Variants in LRRC69 observed in about 807,000 individuals in gnomAD.
LRRC69 encodes the protein leucine-rich repeat-containing protein 69.
Under a neutral mutation model 37.8 loss-of-function variants are expected in LRRC69, and 42 were observed. The ratio of observed to expected loss-of-function variants is 1.11; its 90% confidence interval spans 0.87 to 1.44. LRRC69 has a LOEUF of 1.44. LRRC69 is among the 40% of genes most tolerant of loss of function. The pLI, the probability that LRRC69 is intolerant of heterozygous loss-of-function variation, is 0.00. For missense variants in LRRC69, 357 were observed against 401.9 expected, an observed-to-expected ratio of 0.89 and a Z score of 0.96; for synonymous variants, 141 against 143.1, an observed-to-expected ratio of 0.99 and a Z score of 0.11.
intron 5 of LRRC69, among the ~76,000 whole-genome samples, chr8:91,151,391 T>C (rs904295775): frequency 1.3e-5 from 2 of 151,796 alleles, no homozygotes; most frequent in Non-Finnish European, 2.9e-5. Flanking sequence ...TGTAGTTGAG[T>C]GGTTTTGAGT....
At position 91,102,798 on chromosome 8, in the gene LRRC69, A is replaced by G. The variant is rs544878274; in HGVS notation, c.137A>G (p.Asn46Ser). Residue 46 changes from asparagine (N) to serine (S), a missense_variant, in exon 1 of 8, where the codon AAT becomes AGT. Asn to Ser is a conservative substitution (Grantham distance 46). Coordinates refer to ENST00000448384, the Ensembl canonical transcript of LRRC69. Reference sequence around the variant, plus strand: ...GGCCTGAAGACTCTAGTCCTTCAGAATAACCTAATCCCCAAAGTGTGTCCA... The same window carrying G: ...GGCCTGAAGACTCTAGTCCTTCAGAGTAACCTAATCCCCAAAGTGTGTCCA... 1.1e-4 allele frequency: 174 copies of G among 1,551,886 alleles called. 3 individuals are homozygous for G. The South Asian group carries it at 2.0e-3, about 18-fold the overall frequency.
At chr8:91,129,140 A>G (rs1206220124) in intron 3 of LRRC69, among the ~76,000 whole-genome samples, 1 of 152,042 alleles carries the variant, frequency 6.6e-6, no homozygotes, top group Non-Finnish European at 1.5e-5. Flanking sequence ...TTACACCTAA[A>G]CAGCTCTGTC....
chr8:91,176,440 C>T (rs1013527419), intron 5 of LRRC69, among the ~76,000 whole-genome samples: 4 of 151,998 alleles, frequency 2.6e-5, no homozygotes, highest in East Asian at 1.9e-4. Context: ...CCACTGTGCC[C>T]GGCCTCTAGG....
At chr8:91,151,404 G>C (rs545004504) in intron 5 of LRRC69, among the ~76,000 whole-genome samples, 2 of 151,962 alleles carry the variant, frequency 1.3e-5, no homozygotes, top group East Asian at 3.9e-4. Flanking sequence ...TTTTGAGTGA[G>C]TTTCTTAATC....
intron 5 of LRRC69, among the ~76,000 whole-genome samples, chr8:91,168,008 A>G (rs982223088): frequency 6.6e-6 from 1 of 151,946 alleles, no homozygotes; most frequent in African/African-American, 2.4e-5. Flanking sequence ...TTTGTATGCC[A>G]GGAACTTTTG....
intron 7 of LRRC69, among the ~76,000 whole-genome samples, chr8:91,217,557 C>T (rs1393811144): frequency 6.6e-6 from 1 of 152,070 alleles, no homozygotes; most frequent in Non-Finnish European, 1.5e-5. Context: ...AGACTAATCA[C>T]CATTGTCAGA....
At chr8:91,216,218 A>T (rs1810044195) in intron 7 of LRRC69, among the ~76,000 whole-genome samples, 1 of 152,156 alleles carries the variant, frequency 6.6e-6, no homozygotes, top group Admixed American at 6.6e-5. Context: ...TATTATAATT[A>T]ACTAAACAAT....
intron 5 of LRRC69, 60 bp downstream of exon 5, chr8:91,135,799 A>T (rs1425544936): frequency 1.1e-6 from 1 of 895,244 alleles, no homozygotes; most frequent in African/African-American, 1.8e-5. Context: ...TATTGGGAAT[A>T]GAAAAAATAT....
At chr8:91,164,111 T>G (rs1227712620) in intron 5 of LRRC69, among the ~76,000 whole-genome samples, 1 of 151,482 alleles carries the variant, frequency 6.6e-6, no homozygotes, top group Non-Finnish European at 1.5e-5. Flanking sequence ...TCAAATAAAT[T>G]TATAGAAAAG....
intron 5 of LRRC69, among the ~76,000 whole-genome samples, chr8:91,144,154 T>C (rs1474618145): frequency 6.6e-6 from 1 of 151,960 alleles, no homozygotes; most frequent in African/African-American, 2.4e-5. Flanking sequence ...TGGTCTGAGA[T>C]ACCTGCCCCT....
At chr8:91,110,774 G>A (rs1813394557) in intron 1 of LRRC69, among the ~76,000 whole-genome samples, 1 of 151,996 alleles carries the variant, frequency 6.6e-6, no homozygotes, top group African/African-American at 2.4e-5. Context: ...TATTAAGAGA[G>A]GCTGTCTGGT....
intron 5 of LRRC69, among the ~76,000 whole-genome samples, chr8:91,182,744 T>A (rs1809344440): frequency 1.3e-5 from 2 of 152,192 alleles, no homozygotes; most frequent in South Asian, 4.1e-4. Context: ...AAGCCTTGCA[T>A]TAGGAACTGG....
chr8:91,172,385 A>G (rs937629861), intron 5 of LRRC69, among the ~76,000 whole-genome samples: 1 of 152,010 alleles, frequency 6.6e-6, no homozygotes, highest in African/African-American at 2.4e-5. Flanking sequence ...AAGTTTTCTA[A>G]TTGGTTATTA....
chr8:91,198,141 T>A (rs1389628480), intron 6 of LRRC69, among the ~76,000 whole-genome samples: 1 of 152,156 alleles, frequency 6.6e-6, no homozygotes, highest in African/African-American at 2.4e-5. Context: ...CCTCAGAGAT[T>A]TATGAAGTAA....
intron 5 of LRRC69, among the ~76,000 whole-genome samples, chr8:91,148,926 G>C (rs900200228): frequency 6.6e-6 from 1 of 151,700 alleles, no homozygotes; most frequent in African/African-American, 2.4e-5. Context: ...TTTTTGATGG[G>C]GTTGTTTGTT....
At chr8:91,203,447 AGTGGT>A (rs1809744061) in intron 7 of LRRC69, among the ~76,000 whole-genome samples, 1 of 150,670 alleles carries the variant, frequency 6.6e-6, no homozygotes, top group African/African-American at 2.5e-5. Context: ...CCTAAAGTGC[AGTGGT>A]GGTGATCTTG....
chr8:91,102,675 T>G lies in LRRC69; in HGVS notation c.14T>G (p.Leu5Trp), dbSNP rs1813240357. The change falls in exon 1 of 8, where the codon TTG becomes TGG. Residue 5 changes from leucine (L) to tryptophan (W), a missense_variant. By Grantham distance (61) the Leu-to-Trp change is moderately conservative. Coordinates refer to ENST00000448384, the Ensembl canonical transcript of LRRC69. ...TTTTCCAAGATCATGACTGAGAGAT[T>G]GTTAATAAAAGCATTGAGTGGTGGT... The G allele has an allele frequency of 1.9e-6, 3 of 1,550,124 alleles. No individual in the cohort carries two copies. The highest frequency in any genetic ancestry group is 2.0e-5 in the Admixed American group (1 of 50,738).
At chr8:91,208,857 T>C (rs564151631) in intron 7 of LRRC69, among the ~76,000 whole-genome samples, 1 of 152,330 alleles carries the variant, frequency 6.6e-6, no homozygotes, top group South Asian at 2.1e-4. Flanking sequence ...CCATTGGTCA[T>C]GCTTCTTCTT....
chr8:91,185,910 A>G (rs1342324941), intron 5 of LRRC69, among the ~76,000 whole-genome samples: 1 of 152,168 alleles, frequency 6.6e-6, no homozygotes, highest in Non-Finnish European at 1.5e-5. Flanking sequence ...GTGAAATCTC[A>G]GCTTCCTCCC....
Sources: gnomAD v4.1 joint callset for allele counts (sites outside exome capture counted in the v4.1 genomes callset) on GRCh38, gnomAD v4.1.1 for gene constraint, MANE v1.5 for transcripts, NCBI Gene and HGNC (gene_info 2026-07-23, HGNC 2026-07-21) for gene names.